Variants in CDH11 observed in about 807,000 individuals in gnomAD.
CDH11 encodes cadherin-11.
In CDH11, 11 loss-of-function variants were observed where a neutral mutation model predicts 67.8. The observed-to-expected ratio is 0.16, with a 90% CI of 0.10 to 0.27. The LOEUF is 0.27. CDH11 is among the 10% of genes least tolerant of loss of function. CDH11 has a pLI of 1.00. For synonymous variants in CDH11, 419 were observed against 400.0 expected, an observed-to-expected ratio of 1.05 and a Z score of -0.57; for missense variants, 847 against 1,031.2, an observed-to-expected ratio of 0.82 and a Z score of 2.45.
In CDH11 at chr16:64,982,276, G is replaced by A. The variant is rs2142460816; in HGVS notation, c.1025C>T (p.Ala342Val). 6.2e-7 allele frequency: 1 copy of A among 1,612,344 alleles called. No individual in the cohort carries two copies. The highest frequency in any genetic ancestry group is 8.5e-7 in the Non-Finnish European group (1 of 1,178,782). The stretch of plus-strand genomic sequence containing the variant: ...GGCTGCCTCTACCTTCAAGCTATAG[G>A]CTCTTTTGGTTTCAAAATCTACAGG... ...KKPVDFETKR[A>V]YSLKVEAANV... Residue 342 changes from alanine to valine, a missense_variant, in exon 8 of 13, where the codon GCC (alanine) becomes GTC (valine). By Grantham distance (64) the Ala-to-Val change is moderately conservative. Around this residue, in one of 2 missense-constraint regions of CDH11, gnomAD observed 612 missense variants for 678.7 expected, o/e 0.90. Transcript: ENST00000268603.
intron 1 of CDH11, among the ~76,000 whole-genome samples, chr16:65,106,668 AC>A (rs1302747203): frequency 2.0e-5 from 3 of 152,178 alleles, no homozygotes; most frequent in Admixed American, 6.5e-5. Flanking sequence ...TCTTTCAACA[AC>A]CCTTCAAAAC....
chr16:65,111,713 A>ACACACACACACACAC (rs1567586100), intron 1 of CDH11, among the ~76,000 whole-genome samples: 2 of 150,930 alleles, frequency 1.3e-5, no homozygotes, highest in South Asian at 2.1e-4. Context: ...ACACACACAC[A>ACACACACACACACAC]AATGGGGAGT....
chr16:65,036,836 T>C (rs1272496780), intron 2 of CDH11, among the ~76,000 whole-genome samples: 1 of 152,144 alleles, frequency 6.6e-6, no homozygotes, highest in Non-Finnish European at 1.5e-5. Flanking sequence ...TTGGGTCCCA[T>C]ACTGTTTGCA....
intron 1 of CDH11, among the ~76,000 whole-genome samples, chr16:65,084,213 G>A (rs1330501698): frequency 2.0e-5 from 3 of 152,188 alleles, no homozygotes; most frequent in East Asian, 1.9e-4. Context: ...CTAAGGCCAC[G>A]TGTGATGGCT....
intron 2 of CDH11, among the ~76,000 whole-genome samples, chr16:65,015,367 T>TC (rs571559577): frequency 9.4e-4 from 143 of 151,806 alleles, no homozygotes; most frequent in Admixed American, 1.5e-3. Context: ...GAGCTATTAG[T>TC]CCTTTAATTC....
In CDH11 at chr16:64,982,184, A is replaced by C. The variant is rs35213; in HGVS notation, c.1117T>G (p.Ser373Ala). 0.81 allele frequency: 1,299,018 copies of C among 1,613,556 alleles called. 529,506 individuals carry two copies. The highest frequency in any genetic ancestry group is 1 in the East Asian group (44,784 of 44,858). Residue 373 changes from serine (S) to alanine (A), a missense_variant, in exon 8 of 13, where the codon TCA becomes GCA. This residue lies in a region of CDH11 where 612 missense variants were observed against 678.7 expected (regional missense o/e 0.90). Coordinates refer to ENST00000268603, the MANE Select transcript of CDH11 (RefSeq NM_001797.4). ...GGGGGCTCATCAGCATCTTCTACTG[A>C]GATCTTGACGGTCACAGTGTCCTTG... ...PFKDTVTVKISVEDADEPPMF... is the reference protein window; with the variant it reads ...PFKDTVTVKIAVEDADEPPMF...
At chr16:64,974,292 G>A (rs1052884505) in intron 8 of CDH11, among the ~76,000 whole-genome samples, 3 of 152,160 alleles carry the variant, frequency 2.0e-5, no homozygotes, top group Admixed American at 6.5e-5. Flanking sequence ...TCATAAGTGT[G>A]TGGTTTTCTG....
Position 64,947,955 on chromosome 16 carries a change from G to A in CDH11, c.2039C>T (p.Thr680Ile). 6.2e-7 allele frequency: 1 copy of A among 1,614,128 alleles called. No homozygotes were observed. Among genetic ancestry groups the A allele is most frequent in the Non-Finnish European group, 8.5e-7 (1 of 1,179,998 alleles). ...ATTGATACCATCAGGATTCTGGAGGGTGGCAATATCAAAGGCTTCTGTGTC... is the reference window on the plus strand; with the variant it reads ...ATTGATACCATCAGGATTCTGGAGGATGGCAATATCAAAGGCTTCTGTGTC... ...EEDTEAFDIA[T>I]LQNPDGINGF... The change falls in exon 13 of 13, where the codon ACC becomes ATC. Residue 680 changes from threonine to isoleucine, a missense_variant. Around this residue, in one of 2 missense-constraint regions of CDH11, gnomAD observed 612 missense variants for 678.7 expected, o/e 0.90. Transcript: ENST00000268603.
intron 1 of CDH11, among the ~76,000 whole-genome samples, chr16:65,066,186 G>A (rs1406503587): frequency 1.3e-5 from 2 of 152,124 alleles, no homozygotes; most frequent in African/African-American, 2.4e-5. Context: ...TCCTACTTTT[G>A]CCTCTGAACT....
At chr16:64,950,637 T>C in intron 12 of CDH11, 130 bp downstream of exon 12, 1 of 1,031,188 alleles carries the variant, frequency 9.7e-7, no homozygotes, top group Non-Finnish European at 1.3e-6. Context: ...GTACCCCACT[T>C]CTTTTCTTGA....
At chr16:65,079,035 C>G (rs2074563798) in intron 1 of CDH11, among the ~76,000 whole-genome samples, 1 of 152,182 alleles carries the variant, frequency 6.6e-6, no homozygotes, top group Non-Finnish European at 1.5e-5. Context: ...TTAGCAAGGT[C>G]CACTTCATGA....
chr16:65,019,699 A>C (rs547126009), intron 2 of CDH11, among the ~76,000 whole-genome samples: 1 of 152,278 alleles, frequency 6.6e-6, no homozygotes, highest in African/African-American at 2.4e-5. Flanking sequence ...ATATGGGCCC[A>C]GATTTTGTAT....
Position 64,945,890 on chromosome 16 carries a change from C to A in CDH11, c.*1713G>T, listed in dbSNP as rs1215314853. ...TCTGCAATCCAAGAAAAAGCACGTG[C>A]CCTGTGTGTAGGGGGAAAGAGGGAA... On this transcript the variant is annotated 3_prime_UTR_variant, in exon 13 of 13. Transcript: ENST00000268603. 13 of 1,057,354 alleles carry A rather than the reference C, an allele frequency of 1.2e-5. No homozygotes were observed. Among genetic ancestry groups the A allele is most frequent in the Non-Finnish European group, 1.5e-5 (13 of 874,448 alleles). The allele number at this position is 1,057,354 out of a possible 1,614,324, so 65.5% of individuals were successfully genotyped here. A position where few individuals can be genotyped will look rare whatever the true frequency, so the allele number is the denominator to read the frequency against.
intron 1 of CDH11, among the ~76,000 whole-genome samples, chr16:65,093,210 CTT>C (rs35724614): frequency 1.3e-4 from 15 of 119,092 alleles, no homozygotes; most frequent in African/African-American, 2.5e-4. Context: ...TGTTGGGTTC[CTT>C]TTTTTTTTTT....
At chr16:65,116,900 G>C (rs555934186) in intron 1 of CDH11, among the ~76,000 whole-genome samples, 2 of 152,080 alleles carry the variant, frequency 1.3e-5, no homozygotes, top group Non-Finnish European at 2.9e-5. Context: ...CGATGTACCA[G>C]ATTTTCTGAT....
At chr16:65,064,833 A>C (rs1270414812) in intron 1 of CDH11, among the ~76,000 whole-genome samples, 1 of 152,224 alleles carries the variant, frequency 6.6e-6, no homozygotes, top group Non-Finnish European at 1.5e-5. Context: ...TATTAAGTAA[A>C]TAACAATGTG....
At chr16:65,028,380 T>G (rs189560918) in intron 2 of CDH11, among the ~76,000 whole-genome samples, 1 of 152,216 alleles carries the variant, frequency 6.6e-6, no homozygotes, top group Admixed American at 6.5e-5. Context: ...TATGTATCCC[T>G]GGTGGCACCT....
Position 64,972,030 on chromosome 16 carries a change from G to A in CDH11, c.1425C>T (p.Ala475=). ...NRHQEAKVPV[A]IRVLDVNDNA... ...TATCGTTGACATCAAGGACCCTAAT[G>A]GCCACTGGGACTTTGGCTTCCTGAT... Residue 475 remains alanine (A), a synonymous_variant, in exon 10 of 13, where the codon GCC becomes GCT. Transcript: ENST00000268603. The A allele has an allele frequency of 6.2e-7, 1 of 1,613,424 alleles. No individual in the cohort carries two copies. The highest frequency in any genetic ancestry group is 8.5e-7 in the Non-Finnish European group (1 of 1,179,444).
intron 6 of CDH11, among the ~76,000 whole-genome samples, chr16:64,991,151 C>T (rs1354776529): frequency 2.0e-5 from 3 of 152,092 alleles, no homozygotes; most frequent in Admixed American, 6.5e-5. Flanking sequence ...CCTTGGGGAT[C>T]ACACTTTCCA....
Sources: allele counts gnomAD v4.1 joint callset (sites outside exome capture counted in the v4.1 genomes callset), GRCh38; gene constraint gnomAD v4.1.1; regional missense constraint gnomAD v4.1.1; transcripts MANE v1.5; gene names NCBI Gene and HGNC (gene_info 2026-07-23, HGNC 2026-07-21).